Variants in SEMA3A observed in about 807,000 individuals in gnomAD.
The protein encoded by SEMA3A is semaphorin-3A.
Under a neutral mutation model 97.9 loss-of-function variants are expected in SEMA3A, and 29 were observed. That is an observed-to-expected ratio of 0.30 (90% CI 0.22 to 0.40). SEMA3A has a LOEUF of 0.40. Ranked by LOEUF, SEMA3A falls within the 10% of genes least tolerant of loss-of-function variation. SEMA3A has a pLI of 1.00. For missense variants in SEMA3A, 763 were observed against 951.3 expected, an observed-to-expected ratio of 0.80 and a Z score of 2.60; for synonymous variants, 321 against 323.7, an observed-to-expected ratio of 0.99 and a Z score of 0.09.
Position 84,194,711 on chromosome 7 carries a change from C to T in SEMA3A, c.-125G>A. ...TTTAGGTCAGTTTCATTCATAAATG[C>T]AGACAATCAAGACCTCATGGCAACA... On this transcript the variant is annotated 5_prime_UTR_variant, in exon 1 of 17. Transcript: ENST00000265362. The T allele has an allele frequency of 4.7e-6, 3 of 637,332 alleles. No individual in the cohort carries two copies. In the South Asian group the frequency reaches 5.8e-5, roughly 12 times the overall value. 39.5% of individuals were successfully genotyped at this position (637,332 alleles called of 1,614,324 possible).
chr7:84,229,186 T>C (rs1799060579), intron 3 of SEMA3A, among the ~76,000 whole-genome samples: 1 of 152,116 alleles, frequency 6.6e-6, no homozygotes, highest in African/African-American at 2.4e-5. Context: ...TTTTGTTATG[T>C]TTTTCCCAAG....
At chr7:84,063,841 C>G (rs1205658481) in intron 4 of SEMA3A, among the ~76,000 whole-genome samples, 5 of 149,722 alleles carry the variant, frequency 3.3e-5, no homozygotes, top group Non-Finnish European at 7.4e-5. Context: ...TTGGAAAACA[C>G]TCTGCAGGAT....
intron 4 of SEMA3A, among the ~76,000 whole-genome samples, chr7:84,102,936 A>T (rs1280780896): frequency 1.3e-5 from 2 of 152,030 alleles, no homozygotes; most frequent in East Asian, 3.9e-4. Context: ...ATGCTGTCAG[A>T]GTTACCACAT....
At chr7:84,192,276 T>A (rs1286939121) in intron 1 of SEMA3A, among the ~76,000 whole-genome samples, 1 of 151,938 alleles carries the variant, frequency 6.6e-6, no homozygotes, top group East Asian at 1.9e-4. Context: ...GGCTACCACA[T>A]ACTTGCTTTG....
At chr7:84,456,918 G>T (rs542926148) in intron 1 of SEMA3A, among the ~76,000 whole-genome samples, 74 of 151,730 alleles carry the variant, frequency 4.9e-4, no homozygotes, top group Middle Eastern at 3.4e-3. Context: ...GAGGCTAATG[G>T]ACCCTAAGTT....
chr7:84,411,816 A>T (rs1251801449), intron 1 of SEMA3A, among the ~76,000 whole-genome samples: 1 of 152,082 alleles, frequency 6.6e-6, no homozygotes, highest in Non-Finnish European at 1.5e-5. Flanking sequence ...TTTCAAGAAG[A>T]GGTCATGGAC....
intron 2 of SEMA3A, among the ~76,000 whole-genome samples, chr7:84,313,366 A>G (rs1206990637): frequency 0.044 from 1,028 of 23,132 alleles, 47 homozygotes; most frequent in African/African-American, 0.078. Context: ...GTATATATAT[A>G]TATATATATA....
rs1791688773 is a variant in SEMA3A, at chr7:84,030,108, A to C, written c.668-15757T>G. 2.0e-5 allele frequency among the ~76,000 whole-genome samples: 3 copies of C among 152,278 alleles called. No homozygotes were observed. In the South Asian group the frequency reaches 6.2e-4, roughly 32 times the overall value. On this transcript the variant is annotated intron_variant, in intron 6 of 16. Transcript: ENST00000265362. ...AAAACATTTTTCTACAATGCAATTAAAAATAACTTTTGAACTTGGATGAAG... is the reference window on the plus strand; with the variant it reads ...AAAACATTTTTCTACAATGCAATTACAAATAACTTTTGAACTTGGATGAAG...
chr7:84,225,911 A>T (rs573396491), intron 3 of SEMA3A, among the ~76,000 whole-genome samples: 1 of 152,150 alleles, frequency 6.6e-6, no homozygotes, highest in Non-Finnish European at 1.5e-5. Context: ...AGAAGCACTT[A>T]AACAGTTGTG....
chr7:84,434,631 A>G (rs1211878512), intron 1 of SEMA3A, among the ~76,000 whole-genome samples: 1 of 152,176 alleles, frequency 6.6e-6, no homozygotes, highest in Non-Finnish European at 1.5e-5. Context: ...AGCAAATCAA[A>G]TCCAGCAGCA....
rs1416790567 is a variant in SEMA3A at position 84,136,387 on chromosome 7, CTT to C, written c.113-1438_113-1437del. ...TTCAACAGAGGATAAAATTCATACTCTTTAACTTAGCACTAAAGGTCAGGTCA... is the reference window on the plus strand; with the variant it reads ...TTCAACAGAGGATAAAATTCATACTCTAACTTAGCACTAAAGGTCAGGTCA... On this transcript the variant is annotated intron_variant, in intron 1 of 16. Transcript: ENST00000265362. Among the ~76,000 whole-genome samples the C allele has an allele frequency of 3.3e-5, 5 of 152,252 alleles. No individual in the cohort carries two copies. The East Asian group carries it at 9.7e-4, about 29-fold the overall frequency.
At chr7:84,152,478 T>C (rs1796703194) in intron 1 of SEMA3A, among the ~76,000 whole-genome samples, 1 of 132,578 alleles carries the variant, frequency 7.5e-6, no homozygotes, top group African/African-American at 2.9e-5. Flanking sequence ...CACTCATAGG[T>C]GGGAATTGAA....
chr7:84,464,200 C>A (rs2116394903), intron 1 of SEMA3A, among the ~76,000 whole-genome samples: 1 of 152,238 alleles, frequency 6.6e-6, no homozygotes, highest in South Asian at 2.1e-4. Flanking sequence ...ACAATCCTGA[C>A]AATAAAGTAA....
intron 2 of SEMA3A, among the ~76,000 whole-genome samples, chr7:84,363,956 G>A (rs1479976818): frequency 6.6e-6 from 1 of 151,752 alleles, no homozygotes; most frequent in Non-Finnish European, 1.5e-5. Flanking sequence ...ACCACAGATT[G>A]AAAGCAGATG....
intron 2 of SEMA3A, among the ~76,000 whole-genome samples, chr7:84,325,448 T>C (rs537533176): frequency 9.2e-5 from 14 of 151,964 alleles, no homozygotes; most frequent in Admixed American, 5.9e-4. Context: ...AGACAGAAGA[T>C]TTGCCACAGG....
intron 1 of SEMA3A, among the ~76,000 whole-genome samples, chr7:84,176,092 T>G (rs2116221146): frequency 7.5e-6 from 1 of 134,056 alleles, no homozygotes; most frequent in South Asian, 2.4e-4. Context: ...ATTATGTCTA[T>G]TTAGTGGTTT....
chr7:83,994,859 C>T (rs199783448), intron 12 of SEMA3A, among the ~76,000 whole-genome samples: 55,819 of 151,824 alleles, frequency 0.37, 11,209 homozygotes, highest in East Asian at 0.83. Flanking sequence ...TGGAACTTCC[C>T]GGCTGCTTTG....
At chr7:83,963,533 A>G (rs898696864) in intron 15 of SEMA3A, among the ~76,000 whole-genome samples, 186 bp from the exon 16 acceptor site, 7 of 152,194 alleles carry the variant, frequency 4.6e-5, no homozygotes, top group Non-Finnish European at 8.8e-5. Flanking sequence ...TAAATCGACT[A>G]ATCATTTTGG....
intron 1 of SEMA3A, among the ~76,000 whole-genome samples, chr7:84,181,035 C>A (rs942238983): frequency 6.6e-6 from 1 of 151,912 alleles, no homozygotes; most frequent in African/African-American, 2.4e-5. Context: ...TTCAGTCTAA[C>A]AAAATATGAA....
Sources: allele counts gnomAD v4.1 joint callset (sites outside exome capture counted in the v4.1 genomes callset), GRCh38; gene constraint gnomAD v4.1.1; transcripts MANE v1.5; gene names NCBI Gene and HGNC (gene_info 2026-07-23, HGNC 2026-07-21).